Variants in ZNF431 observed in about 807,000 individuals in gnomAD.
ZNF431 encodes the protein zinc finger protein 431.
In ZNF431, 34 loss-of-function variants were observed where a neutral mutation model predicts 57.0. That is an observed-to-expected ratio of 0.60 (90% CI 0.45 to 0.79). The LOEUF is 0.79. ZNF431 is among the 30% of genes least tolerant of loss of function. The pLI is 0.00. For synonymous variants in ZNF431, 207 were observed against 220.3 expected, an observed-to-expected ratio of 0.94 and a Z score of 0.54; for missense variants, 607 against 667.1, an observed-to-expected ratio of 0.91 and a Z score of 0.99.
At chr19:21,169,326 G>C (rs955533046) in intron 4 of ZNF431, among the ~76,000 whole-genome samples, 2 of 152,070 alleles carry the variant, frequency 1.3e-5, no homozygotes, top group African/African-American at 4.8e-5. Context: ...TTTAAAAAAT[G>C]TTCTTGACTA....
chr19:21,148,950 A>C (rs1291856159), intron 2 of ZNF431, among the ~76,000 whole-genome samples: 1 of 152,198 alleles, frequency 6.6e-6, no homozygotes, highest in East Asian at 1.9e-4. Flanking sequence ...GAGAAGTCTT[A>C]ATTTAAGAGG....
intron 3 of ZNF431, among the ~76,000 whole-genome samples, chr19:21,166,760 A>C (rs1305000258): frequency 2.0e-5 from 3 of 152,192 alleles, no homozygotes; most frequent in Non-Finnish European, 4.4e-5. Flanking sequence ...GCCATCACCA[A>C]TTTTTGATTC....
rs937625635 is a variant in ZNF431, at chr19:21,188,118, C to T, written c.*4084C>T. On this transcript the variant is annotated 3_prime_UTR_variant, in exon 5 of 5. Coordinates refer to ENST00000311048, the MANE Select transcript of ZNF431 (RefSeq NM_133473.4). ...TACTAAAAATACAAATTTAGCCACGCGTGGTGACGCACGCCTGTAATCCCA... is the reference window on the plus strand; with the variant it reads ...TACTAAAAATACAAATTTAGCCACGTGTGGTGACGCACGCCTGTAATCCCA... The T allele has an allele frequency of 6.6e-5, 10 of 151,120 alleles. No individual in the cohort carries two copies. The highest frequency in any genetic ancestry group is 3.0e-5 in the Non-Finnish European group (2 of 67,724). The allele number at this position is 151,120 out of a possible 1,614,324, so 9.4% of individuals were successfully genotyped here.
At chr19:21,173,894 C>T (rs1389352800) in intron 4 of ZNF431, among the ~76,000 whole-genome samples, 1 of 151,908 alleles carries the variant, frequency 6.6e-6, no homozygotes, top group African/African-American at 2.4e-5. Context: ...TGGTTTTTCC[C>T]ATTTGAATAT....
In ZNF431 at chr19:21,143,646, A is replaced by G; in HGVS notation, c.96+3A>G. The stretch of plus-strand genomic sequence containing the variant: ...TAGTTTACTCTTATTTTGAAAAGGT[A>G]ACCTCTTGAGACATTAAAATTGTCT... On this transcript the variant is annotated splice_donor_region_variant and intron_variant, in intron 2 of 4. Transcript: ENST00000311048. The G allele has an allele frequency of 6.2e-7, 1 of 1,611,332 alleles. No homozygotes were observed. Among genetic ancestry groups the G allele is most frequent in the East Asian group, 2.2e-5 (1 of 44,850 alleles).
At position 21,193,526 on chromosome 19, in the gene ZNF431, A is replaced by G. The variant is rs1971548764; in HGVS notation, c.*9492A>G. 1 of 152,214 alleles carries G rather than the reference A, an allele frequency of 6.6e-6. No homozygotes were observed. Among genetic ancestry groups the G allele is most frequent in the East Asian group, 1.9e-4 (1 of 5,190 alleles). 9.4% of individuals were successfully genotyped at this position (152,214 alleles called of 1,614,324 possible). On this transcript the variant is annotated 3_prime_UTR_variant, in exon 5 of 5. Transcript: ENST00000311048. ...TAGGCAATGAGTGAAACTCCATCTCAAAATAAATTAATTAATAAAATAAAA... is the reference window on the plus strand; with the variant it reads ...TAGGCAATGAGTGAAACTCCATCTCGAAATAAATTAATTAATAAAATAAAA...
intron 2 of ZNF431, among the ~76,000 whole-genome samples, chr19:21,162,033 G>C (rs910124155): frequency 3.3e-5 from 5 of 152,028 alleles, no homozygotes; most frequent in African/African-American, 1.2e-4. Context: ...CTGGAGTGTA[G>C]TGGTGCAACC....
intron 1 of ZNF431, among the ~76,000 whole-genome samples, chr19:21,142,655 G>A (rs1422870550): frequency 6.6e-6 from 1 of 152,216 alleles, no homozygotes; most frequent in African/African-American, 2.4e-5. Flanking sequence ...GGAGCACCCA[G>A]CTGTGGTTTG....
chr19:21,181,977 A>G (rs1971220586), intron 4 of ZNF431, among the ~76,000 whole-genome samples: 2 of 152,170 alleles, frequency 1.3e-5, no homozygotes, highest in South Asian at 4.1e-4. Context: ...GAGACTCTCA[A>G]ACATGTTCTT....
intron 4 of ZNF431, chr19:21,175,476 T>G: frequency 1.4e-6 from 1 of 695,704 alleles, no homozygotes; most frequent in South Asian, 1.5e-5. Context: ...GATGTGCAGG[T>G]TTGTTACATA....
rs1268393545 is a variant in ZNF431, at chr19:21,189,700, T to C, written c.*5666T>C. On this transcript the variant is annotated 3_prime_UTR_variant, in exon 5 of 5. Transcript: ENST00000311048. ...CTTATAAATAACTTGCATCTGATGGTCACCATTTTACTCTCTACATCAATG... is the reference window on the plus strand; with the variant it reads ...CTTATAAATAACTTGCATCTGATGGCCACCATTTTACTCTCTACATCAATG... 2.6e-6 allele frequency: 1 copy of C among 389,174 alleles called. No individual in the cohort carries two copies. The highest frequency in any genetic ancestry group is 4.5e-6 in the Non-Finnish European group (1 of 220,794). 24.1% of individuals were successfully genotyped at this position (389,174 alleles called of 1,614,324 possible). A position where few individuals can be genotyped will look rare whatever the true frequency, so the allele number is the denominator to read the frequency against.
intron 1 of ZNF431, among the ~76,000 whole-genome samples, chr19:21,142,387 T>C (rs967955155): frequency 6.6e-6 from 1 of 152,162 alleles, no homozygotes; most frequent in Non-Finnish European, 1.5e-5. Flanking sequence ...GCGTCCTGTC[T>C]CTTCACTGCA....
chr19:21,154,955 T>C (rs1218981961), intron 2 of ZNF431, among the ~76,000 whole-genome samples: 1 of 152,238 alleles, frequency 6.6e-6, no homozygotes, highest in Non-Finnish European at 1.5e-5. Context: ...AAAAATTTTC[T>C]CCCATTCTGT....
intron 4 of ZNF431, among the ~76,000 whole-genome samples, chr19:21,169,103 C>T (rs535266263): frequency 1.1e-4 from 16 of 151,658 alleles, no homozygotes; most frequent in South Asian, 4.2e-4. Context: ...TTTAGTAAGA[C>T]GGAATTTCAC....
In ZNF431 at chr19:21,195,067, C is replaced by T. The variant is rs1178133287; in HGVS notation, c.*11033C>T. The T allele has an allele frequency of 6.6e-6, 1 of 152,184 alleles. No individual in the cohort carries two copies. Among genetic ancestry groups the T allele is most frequent in the Non-Finnish European group, 1.5e-5 (1 of 68,044 alleles). The allele number at this position is 152,184 out of a possible 1,614,324, so 9.4% of individuals were successfully genotyped here. A position where few individuals can be genotyped will look rare whatever the true frequency, so the allele number is the denominator to read the frequency against. ...TTGGGAATAACAACATTTGCAGGCT[C>T]ATGAGAGCTGCCTGACAAAAAGCGT... On this transcript the variant is annotated 3_prime_UTR_variant, in exon 5 of 5. Transcript: ENST00000311048.
At position 21,183,177 on chromosome 19, in the gene ZNF431, G is replaced by C. The variant is rs1971260052; in HGVS notation, c.874G>C (p.Glu292Gln). Residue 292 changes from glutamate to glutamine, a missense_variant, in exon 5 of 5, where the codon GAA becomes CAA. Transcript: ENST00000311048. ...HTGEKPYRCE[E>Q]CGKAFNRSSH... ...TGGGGAGAAACCATATAGATGTGAA[G>C]AATGTGGCAAAGCCTTCAACCGGTC... The C allele has an allele frequency of 3.1e-6, 5 of 1,613,886 alleles. No individual in the cohort carries two copies. Among genetic ancestry groups the C allele is most frequent in the Non-Finnish European group, 4.2e-6 (5 of 1,179,926 alleles).
intron 4 of ZNF431, among the ~76,000 whole-genome samples, chr19:21,177,665 G>A (rs946656778): frequency 6.6e-6 from 1 of 152,134 alleles, no homozygotes; most frequent in Admixed American, 6.6e-5. Flanking sequence ...GCACATTCCT[G>A]TAATCCTAGC....
rs1362766495 is a variant in ZNF431 at position 21,185,808 on chromosome 19, T to C, written c.*1774T>C. The C allele has an allele frequency of 6.6e-6, 1 of 152,140 alleles. No homozygotes were observed. The highest frequency in any genetic ancestry group is 2.4e-5 in the African/African-American group (1 of 41,434). 9.4% of individuals were successfully genotyped at this position (152,140 alleles called of 1,614,324 possible). A position where few individuals can be genotyped will look rare whatever the true frequency, so the allele number is the denominator to read the frequency against. On this transcript the variant is annotated 3_prime_UTR_variant, in exon 5 of 5. Transcript: ENST00000311048. Reference sequence around the variant, plus strand: ...ATACAATATATAATAGTAGCAGGGTTAAGTAAGGCATCCATCATCTGTAGC... The same window carrying C: ...ATACAATATATAATAGTAGCAGGGTCAAGTAAGGCATCCATCATCTGTAGC...
rs1192590909 is a variant in ZNF431 at position 21,192,050 on chromosome 19, CTA to C, written c.*8019_*8020del. On this transcript the variant is annotated 3_prime_UTR_variant, in exon 5 of 5. Coordinates refer to ENST00000311048, the MANE Select transcript of ZNF431 (RefSeq NM_133473.4). ...ACTTTTTGGTTAAATTTATTTCAAA[CTA>C]TAGTTATTGTAGATGTAATTGTTTT... 6.6e-6 allele frequency: 1 copy of C among 152,026 alleles called. No individual in the cohort carries two copies. The highest frequency in any genetic ancestry group is 1.5e-5 in the Non-Finnish European group (1 of 68,010). 9.4% of individuals were successfully genotyped at this position (152,026 alleles called of 1,614,324 possible).
Sources: gnomAD v4.1 joint callset for allele counts (sites outside exome capture counted in the v4.1 genomes callset) on GRCh38, gnomAD v4.1.1 for gene constraint, MANE v1.5 for transcripts, NCBI Gene and HGNC (gene_info 2026-07-23, HGNC 2026-07-21) for gene names.